The following CLSTN1 variants were observed in gnomAD, a reference collection of about 807,000 sequenced individuals.
CLSTN1 encodes calsyntenin-1.
A neutral mutation model predicts 108.3 loss-of-function variants in CLSTN1; 28 were observed. The observed-to-expected ratio is 0.26, with a 90% CI of 0.19 to 0.35. The LOEUF (loss-of-function observed/expected upper bound fraction) is 0.35, where lower values mean the gene tolerates loss of function less well. Among genes scored for constraint, CLSTN1 ranks in the 10% least tolerant of loss-of-function variants. CLSTN1 has a pLI of 1.00. For missense variants in CLSTN1, 1,157 were observed against 1,302.6 expected (o/e 0.89, Z 1.72); for synonymous variants, 524 against 534.9 (o/e 0.98, Z 0.28).
intron 2 of CLSTN1, among the ~76,000 whole-genome samples, chr1:9,760,639 C>A (rs1652024685): frequency 6.6e-6 from 1 of 151,548 alleles, no homozygotes; most frequent in Non-Finnish European, 1.5e-5. Context: ...CCCACCTCAG[C>A]CTCCCGAGTA....
intron 10 of CLSTN1, among the ~76,000 whole-genome samples, chr1:9,738,891 A>T (rs1650826508): frequency 6.6e-6 from 1 of 152,184 alleles, no homozygotes; most frequent in African/African-American, 2.4e-5. Context: ...ACCTTGAGTG[A>T]TCTGCCTGCC....
At chr1:9,753,430 G>A (rs1557699176) in intron 4 of CLSTN1, among the ~76,000 whole-genome samples, 1 of 152,058 alleles carries the variant, frequency 6.6e-6, no homozygotes, top group Non-Finnish European at 1.5e-5. Context: ...TAACTGGCAG[G>A]AGGTGCAGCA....
At chr1:9,738,802 C>T (rs1570437980) in intron 10 of CLSTN1, among the ~76,000 whole-genome samples, 2 of 152,128 alleles carry the variant, frequency 1.3e-5, no homozygotes, top group East Asian at 3.9e-4. Flanking sequence ...GCGCACGCCA[C>T]CACGCCTGGC....
chr1:9,782,836 G>A (rs1186260051), intron 1 of CLSTN1, among the ~76,000 whole-genome samples: 9 of 151,770 alleles, frequency 5.9e-5, no homozygotes, highest in East Asian at 1.9e-4. Flanking sequence ...GTAAAACCCC[G>A]CCTCTATTGA....
intron 1 of CLSTN1, among the ~76,000 whole-genome samples, chr1:9,805,347 T>C (rs1350414618): frequency 6.6e-6 from 1 of 152,176 alleles, no homozygotes; most frequent in Non-Finnish European, 1.5e-5. Context: ...GAGCGTGATC[T>C]AAGGACTCCT....
At chr1:9,744,110 TGAACTCTTCGGCTAAGCCAA>T in intron 8 of CLSTN1, 105 bp from the exon 9 acceptor site, 1 of 1,478,952 alleles carries the variant, frequency 6.8e-7, no homozygotes, top group Non-Finnish European at 9.2e-7. Context: ...TCTGCATAAA[TGAACTCTTCGGCTAAGCCAA>T]GGCAGGGCTT....
In CLSTN1 at chr1:9,790,278, C is replaced by A. The variant is rs902872511; in HGVS notation, c.92-16884G>T. Among the ~76,000 whole-genome samples, 2 of 151,300 alleles carry A rather than the reference C, an allele frequency of 1.3e-5. 1 individual carries two copies. Among genetic ancestry groups the A allele is most frequent in the Admixed American group, 1.3e-4 (2 of 14,868 alleles). On this transcript the variant is annotated intron_variant, in intron 1 of 18. Coordinates refer to ENST00000377298, the MANE Select transcript of CLSTN1 (RefSeq NM_001009566.3). ...TAAGTATGTTTATTAAGTAGGTTTT[C>A]GTAGATGTTATTTATCAAATTGAGA...
At chr1:9,785,320 T>C (rs1305856927) in intron 1 of CLSTN1, among the ~76,000 whole-genome samples, 1 of 152,090 alleles carries the variant, frequency 6.6e-6, no homozygotes, top group African/African-American at 2.4e-5. Context: ...AAAACAGATT[T>C]TTTAATTACT....
intron 2 of CLSTN1, among the ~76,000 whole-genome samples, chr1:9,766,074 T>C (rs1255278926): frequency 6.6e-6 from 1 of 150,876 alleles, no homozygotes; most frequent in African/African-American, 2.4e-5. Context: ...CGGTGGGCTC[T>C]AACTGACTAT....
chr1:9,772,854 C>T (rs557386607), intron 2 of CLSTN1, among the ~76,000 whole-genome samples: 139 of 152,216 alleles, frequency 9.1e-4, no homozygotes, highest in African/African-American at 3.2e-3. Flanking sequence ...ACCCCTGGCG[C>T]TGTGATTCTC....
intron 1 of CLSTN1, among the ~76,000 whole-genome samples, chr1:9,815,875 G>A (rs539729128): frequency 8.8e-4 from 134 of 152,330 alleles, no homozygotes; most frequent in Non-Finnish European, 1.6e-3. Context: ...GGCGGAGGCT[G>A]CAGTGAGCCA....
In CLSTN1 at chr1:9,768,514, G is replaced by A. The variant is rs1240338564; in HGVS notation, c.214+4758C>T. 4.7e-4 allele frequency among the ~76,000 whole-genome samples: 60 copies of A among 126,354 alleles called. 2 individuals are homozygous for A. Among genetic ancestry groups the A allele is most frequent in the Non-Finnish European group, 2.3e-4 (14 of 59,986 alleles). 82.9% of individuals were successfully genotyped at this position (126,354 alleles called of 152,430 possible). A position where few individuals can be genotyped will look rare whatever the true frequency, so the allele number is the denominator to read the frequency against. On this transcript the variant is annotated intron_variant, in intron 2 of 18. Transcript: ENST00000377298. ...TGTGCTGGGTGGCACCATGGGGTTG[G>A]CGATCTGTGTTGGGTGGCACCATGG...
intron 7 of CLSTN1, among the ~76,000 whole-genome samples, chr1:9,746,300 AT>A (rs1272644741): frequency 6.6e-6 from 1 of 151,988 alleles, no homozygotes; most frequent in African/African-American, 2.4e-5. Flanking sequence ...AATTAAAAAA[AT>A]TTTTTTTTGT....
At chr1:9,779,997 C>T (rs182873694) in intron 1 of CLSTN1, among the ~76,000 whole-genome samples, 116 of 152,118 alleles carry the variant, frequency 7.6e-4, no homozygotes, top group African/African-American at 2.7e-3. Flanking sequence ...GAATTACAGA[C>T]GTGCATCACC....
chr1:9,731,839 G>A lies in CLSTN1; in HGVS notation c.2485C>T (p.Pro829Ser), dbSNP rs1163891143. Residue 829 changes from proline (P) to serine (S), a missense_variant, in exon 17 of 19, where the codon CCA becomes TCA. By Grantham distance (74) the Pro-to-Ser change is moderately conservative. Transcript: ENST00000377298. ...MEHANHMAAQ[P>S]QFVHPEHRSF... ...CGGTGTTCCGGGTGCACGAACTGTG[G>A]CTGGGCAGCCATGTGGTTGGCGTGT... 3.1e-6 allele frequency: 5 copies of A among 1,614,160 alleles called. No individual in the cohort carries two copies. The highest frequency in any genetic ancestry group is 1.3e-5 in the African/African-American group (1 of 75,032).
At chr1:9,815,532 CTG>C (rs754796064) in intron 1 of CLSTN1, among the ~76,000 whole-genome samples, 3 of 152,186 alleles carry the variant, frequency 2.0e-5, no homozygotes, top group Non-Finnish European at 2.9e-5. Context: ...AACTAGAAAA[CTG>C]TGAAATGTGT....
Position 9,734,111 on chromosome 1 carries a change from CACGA to C in CLSTN1, c.2138_2141del (p.Ile713SerfsTer16). ...TGACCTCACAGGTATCCAGGTCGTGCACGATCTCCTCGGACACCAGTGATTCTTG... is the reference window on the plus strand; with the variant it reads ...TGACCTCACAGGTATCCAGGTCGTGCTCTCCTCGGACACCAGTGATTCTTG... On this transcript the variant is annotated frameshift_variant, in exon 15 of 19. Coordinates refer to ENST00000377298, the MANE Select transcript of CLSTN1 (RefSeq NM_001009566.3). LOFTEE classifies it high-confidence loss of function. The surrounding 1 kb of genome is among the most constrained non-coding windows in gnomAD (Gnocchi z 4.8). 6.2e-7 allele frequency: 1 copy of C among 1,614,182 alleles called. No homozygotes were observed. The highest frequency in any genetic ancestry group is 8.5e-7 in the Non-Finnish European group (1 of 1,180,026).
chr1:9,733,477 G>T lies in CLSTN1; in HGVS notation c.2351C>A (p.Ser784Tyr), dbSNP rs754859166. The T allele has an allele frequency of 5.6e-6, 9 of 1,614,046 alleles. No individual in the cohort carries two copies. Among genetic ancestry groups the T allele is most frequent in the Non-Finnish European group, 6.8e-6 (8 of 1,180,044 alleles). ...GAGCTTAAACTTCCGGTCAAGCAAG[G>T]ACCTGGCATGCCAGTTCCGATAGCG... Reference protein sequence around the residue: ...LLRYRNWHARSLLDRKFKLIC... With the variant: ...LLRYRNWHARYLLDRKFKLIC... Residue 784 changes from serine (S) to tyrosine (Y), a missense_variant, in exon 16 of 19, where the codon TCC becomes TAC. Physicochemically the swap from Ser to Tyr is moderately radical, Grantham distance 144 (BLOSUM62 -2). Transcript: ENST00000377298.
intron 1 of CLSTN1, among the ~76,000 whole-genome samples, chr1:9,799,853 A>C (rs1395879672): frequency 1.3e-5 from 2 of 151,764 alleles, no homozygotes; most frequent in East Asian, 3.9e-4. Flanking sequence ...AGACAGGAGA[A>C]TCATTTGAAC....
Sources: allele counts gnomAD v4.1 joint callset (sites outside exome capture counted in the v4.1 genomes callset), GRCh38; gene constraint gnomAD v4.1.1; non-coding constraint Gnocchi (gnomAD v3.1); transcripts MANE v1.5; gene names NCBI Gene and HGNC (gene_info 2026-07-23, HGNC 2026-07-21).